The following ESRRG variants were observed in gnomAD, a reference collection of about 807,000 sequenced individuals.
The protein encoded by ESRRG is estrogen-related receptor gamma.
Under a neutral mutation model 44.0 loss-of-function variants are expected in ESRRG, and 13 were observed. That is an observed-to-expected ratio of 0.30 (90% CI 0.19 to 0.47). The LOEUF (loss-of-function observed/expected upper bound fraction) is 0.47. Among genes scored for constraint, ESRRG ranks in the 20% least tolerant of loss-of-function variants. The probability of loss-of-function intolerance (pLI) is 1.00; values close to 1 mark genes in which losing one functional copy is unlikely to be tolerated. For missense variants in ESRRG, 395 were observed against 580.6 expected, an observed-to-expected ratio of 0.68 and a Z score of 3.29; for synonymous variants, 215 against 214.6, an observed-to-expected ratio of 1.00 and a Z score of -0.02.
intron 3 of ESRRG, among the ~76,000 whole-genome samples, chr1:216,576,892 A>T (rs1188168459): frequency 1.3e-5 from 2 of 151,984 alleles, no homozygotes; most frequent in Non-Finnish European, 2.9e-5. Flanking sequence ...AGGTGAATGG[A>T]AATAAATGAG....
chr1:216,833,485 G>T (rs1188932450), intron 2 of ESRRG, among the ~76,000 whole-genome samples: 4 of 152,154 alleles, frequency 2.6e-5, no homozygotes, highest in Admixed American at 1.3e-4. Flanking sequence ...GTATGTTGAT[G>T]CTTTAGTGCT....
chr1:216,569,742 C>T (rs1022260956), intron 3 of ESRRG, among the ~76,000 whole-genome samples: 5 of 152,126 alleles, frequency 3.3e-5, no homozygotes, highest in East Asian at 1.9e-4. Context: ...CCATGTAATT[C>T]GTTGTACATA....
chr1:216,980,012 C>T (rs1023126747), intron 1 of ESRRG, among the ~76,000 whole-genome samples: 1 of 152,030 alleles, frequency 6.6e-6, no homozygotes, highest in Non-Finnish European at 1.5e-5. Flanking sequence ...AACCTAAGGA[C>T]TCTTCCATAC....
chr1:216,635,423 A>G (rs1400337402), intron 3 of ESRRG, among the ~76,000 whole-genome samples: 1 of 152,216 alleles, frequency 6.6e-6, no homozygotes, highest in African/African-American at 2.4e-5. Context: ...TGGTTGTTAA[A>G]TATTCTAGGT....
intron 1 of ESRRG, among the ~76,000 whole-genome samples, chr1:216,722,243 T>C (rs1311845195): frequency 6.6e-6 from 1 of 152,246 alleles, no homozygotes; most frequent in Non-Finnish European, 1.5e-5. Flanking sequence ...TTGGTATTAC[T>C]GTAATGTGAA....
intron 1 of ESRRG, among the ~76,000 whole-genome samples, chr1:216,985,354 T>A (rs914410039): frequency 6.6e-6 from 1 of 152,110 alleles, no homozygotes; most frequent in African/African-American, 2.4e-5. Flanking sequence ...CCATTACAAC[T>A]CGGAGTAGCA....
intron 1 of ESRRG, among the ~76,000 whole-genome samples, chr1:216,956,388 G>T (rs1186396498): frequency 6.6e-6 from 1 of 151,992 alleles, no homozygotes; most frequent in South Asian, 2.1e-4. Context: ...AATGTTATTG[G>T]CACCTTTGTG....
At chr1:216,655,859 T>C (rs74141632) in intron 2 of ESRRG, among the ~76,000 whole-genome samples, 2,544 of 152,294 alleles carry the variant, frequency 0.017, 60 homozygotes, top group African/African-American at 0.058. Context: ...ACAAAGTCTT[T>C]GATCCATGTT....
intron 1 of ESRRG, among the ~76,000 whole-genome samples, chr1:217,117,817 G>A (rs1017123295): frequency 2.0e-5 from 3 of 151,782 alleles, no homozygotes; most frequent in South Asian, 2.1e-4. Flanking sequence ...AATATTTTTC[G>A]ATACTGTCAT....
At chr1:216,856,427 T>C (rs2095942489) in intron 2 of ESRRG, among the ~76,000 whole-genome samples, 1 of 150,118 alleles carries the variant, frequency 6.7e-6, no homozygotes, top group Non-Finnish European at 1.5e-5. Context: ...GTGAAGAAAT[T>C]CATCTTGACC....
At chr1:217,006,112 T>C (rs2077699530) in intron 1 of ESRRG, among the ~76,000 whole-genome samples, 1 of 152,162 alleles carries the variant, frequency 6.6e-6, no homozygotes, top group Non-Finnish European at 1.5e-5. Flanking sequence ...GAATGAGTCC[T>C]TTTGGCTTAT....
chr1:216,897,687 A>G (rs2058582983), intron 2 of ESRRG, among the ~76,000 whole-genome samples: 1 of 152,204 alleles, frequency 6.6e-6, no homozygotes, highest in African/African-American at 2.4e-5. Context: ...TCCAAAATAC[A>G]GGATGGTGGT....
chr1:216,638,982 C>T (rs1857413), intron 3 of ESRRG, among the ~76,000 whole-genome samples: 35,871 of 152,042 alleles, frequency 0.24, 4,376 homozygotes, highest in East Asian at 0.39. Context: ...TTCCAAATTA[C>T]GTATGAATTG....
At chr1:216,805,153 GT>G (rs2094748353) in intron 2 of ESRRG, 1 of 152,234 alleles carries the variant, frequency 6.6e-6, no homozygotes, top group Admixed American at 6.6e-5. Context: ...TGAGACTTTT[GT>G]CTCTTAGATC....
intron 1 of ESRRG, among the ~76,000 whole-genome samples, chr1:216,679,009 G>T (rs1369582497): frequency 6.6e-6 from 1 of 152,166 alleles, no homozygotes; most frequent in East Asian, 1.9e-4. Flanking sequence ...CCAAGAAGGC[G>T]GTCTCAGGAG....
chr1:216,564,640 T>C (rs2059368862), intron 4 of ESRRG, among the ~76,000 whole-genome samples: 1 of 152,128 alleles, frequency 6.6e-6, no homozygotes, highest in South Asian at 2.1e-4. Context: ...GAAGCGTCTG[T>C]CCTGTAGTGA....
intron 2 of ESRRG, among the ~76,000 whole-genome samples, chr1:216,807,026 T>C (rs2094814668): frequency 6.6e-6 from 1 of 152,208 alleles, no homozygotes. Context: ...ACATTCTTGA[T>C]TAAGGAACCA....
At chr1:216,521,854 T>G (rs2046179375) in intron 5 of ESRRG, among the ~76,000 whole-genome samples, 1 of 152,098 alleles carries the variant, frequency 6.6e-6, no homozygotes, top group African/African-American at 2.4e-5. Flanking sequence ...GACACATTAA[T>G]TAACAGATAC....
intron 1 of ESRRG, among the ~76,000 whole-genome samples, chr1:216,718,245 A>G (rs2085333130): frequency 6.6e-6 from 1 of 151,886 alleles, no homozygotes; most frequent in Non-Finnish European, 1.5e-5. Context: ...GATCTACTTT[A>G]TTATATAAAT....
Sources: allele counts gnomAD v4.1 joint callset (sites outside exome capture counted in the v4.1 genomes callset), GRCh38; gene constraint gnomAD v4.1.1; transcripts MANE v1.5; gene names NCBI Gene and HGNC (gene_info 2026-07-23, HGNC 2026-07-21).